The following ARHGAP25 variants were observed in gnomAD, a reference collection of about 807,000 sequenced individuals.
ARHGAP25 encodes the protein rho GTPase-activating protein 25.
In ARHGAP25, 34 loss-of-function variants were observed where a neutral mutation model predicts 71.0. The ratio of observed to expected loss-of-function variants is 0.48; its 90% CI spans 0.36 to 0.64. ARHGAP25 has a LOEUF of 0.64. Ranked by LOEUF, ARHGAP25 falls within the 30% of genes least tolerant of loss-of-function variation. ARHGAP25 has a pLI of 0.00. For synonymous variants in ARHGAP25, 282 were observed against 296.5 expected, an observed-to-expected ratio of 0.95 and a Z score of 0.50; for missense variants, 706 against 805.1, an observed-to-expected ratio of 0.88 and a Z score of 1.49.
At chr2:68,821,749 A>G (rs991926431) in intron 9 of ARHGAP25, among the ~76,000 whole-genome samples, 13 of 152,160 alleles carry the variant, frequency 8.5e-5, no homozygotes, top group Non-Finnish European at 1.9e-4. Flanking sequence ...TCCTATGTAC[A>G]AGGACTAGTT....
At chr2:68,780,047 T>G (rs527755349) in intron 2 of ARHGAP25, among the ~76,000 whole-genome samples, 1 of 152,358 alleles carries the variant, frequency 6.6e-6, no homozygotes, top group African/African-American at 2.4e-5. Context: ...CGTAGATTTC[T>G]TATTATCTAG....
intron 2 of ARHGAP25, among the ~76,000 whole-genome samples, chr2:68,729,342 A>G (rs569149535): frequency 1.3e-5 from 2 of 151,980 alleles, no homozygotes; most frequent in Non-Finnish European, 2.9e-5. Context: ...ACAGTAACAG[A>G]GATGACAAAA....
intron 1 of ARHGAP25, among the ~76,000 whole-genome samples, chr2:68,747,503 C>T (rs1675907302): frequency 6.6e-6 from 1 of 152,146 alleles, no homozygotes; most frequent in Non-Finnish European, 1.5e-5. Flanking sequence ...GGGCTCAGTC[C>T]CCCGTCCTCT....
chr2:68,728,398 G>T (rs1010299619), intron 2 of ARHGAP25, among the ~76,000 whole-genome samples: 6 of 152,078 alleles, frequency 3.9e-5, no homozygotes, highest in Admixed American at 1.3e-4. Flanking sequence ...ATGTAAAATG[G>T]TGCAGCTACT....
intron 1 of ARHGAP25, among the ~76,000 whole-genome samples, chr2:68,760,539 A>G (rs183023803): frequency 7.2e-5 from 11 of 152,094 alleles, no homozygotes; most frequent in Non-Finnish European, 1.5e-4. Flanking sequence ...ATACACTAAC[A>G]GTGATCAATC....
intron 1 of ARHGAP25, among the ~76,000 whole-genome samples, chr2:68,762,759 G>A (rs1676905027): frequency 6.6e-6 from 1 of 152,122 alleles, no homozygotes; most frequent in Non-Finnish European, 1.5e-5. Flanking sequence ...GTGAAGGAGT[G>A]GCCAGCCAAA....
At chr2:68,815,197 T>C (rs1283997392) in intron 6 of ARHGAP25, among the ~76,000 whole-genome samples, 7 of 152,220 alleles carry the variant, frequency 4.6e-5, no homozygotes, top group Admixed American at 4.6e-4. Context: ...ACCAAGGTCC[T>C]TCTCACTGGT....
At chr2:68,809,139 G>A (rs1309862560) in intron 5 of ARHGAP25, among the ~76,000 whole-genome samples, 1 of 152,112 alleles carries the variant, frequency 6.6e-6, no homozygotes, top group African/African-American at 2.4e-5. Context: ...GCATATTTAG[G>A]AGAGACCAGG....
At chr2:68,789,998 T>C (rs1679049619) in intron 4 of ARHGAP25, among the ~76,000 whole-genome samples, 1 of 152,126 alleles carries the variant, frequency 6.6e-6, no homozygotes, top group African/African-American at 2.4e-5. Flanking sequence ...TTATTATTAT[T>C]ATTATTTTGA....
intron 1 of ARHGAP25, among the ~76,000 whole-genome samples, chr2:68,757,428 T>A (rs549324289): frequency 6.6e-6 from 1 of 152,274 alleles, no homozygotes; most frequent in South Asian, 2.1e-4. Flanking sequence ...ATTTGTCTCA[T>A]ACAAGGAATT....
intron 1 of ARHGAP25, among the ~76,000 whole-genome samples, chr2:68,773,417 C>CA (rs1677619109): frequency 6.6e-6 from 1 of 152,068 alleles, no homozygotes; most frequent in Non-Finnish European, 1.5e-5. Flanking sequence ...ATCAAATATC[C>CA]CATGTTCTTA....
chr2:68,759,696 CAA>C (rs1256525762), intron 1 of ARHGAP25, among the ~76,000 whole-genome samples: 2 of 151,920 alleles, frequency 1.3e-5, no homozygotes, highest in Non-Finnish European at 2.9e-5. Context: ...TGAAACTTCT[CAA>C]AAGAATTGAA....
At chr2:68,786,714 T>G (rs1166329810) in intron 3 of ARHGAP25, among the ~76,000 whole-genome samples, 1 of 152,122 alleles carries the variant, frequency 6.6e-6, no homozygotes, top group Admixed American at 6.5e-5. Context: ...TCAGTGATAT[T>G]AAGATAGGTC....
rs928014320 is a variant in ARHGAP25, at chr2:68,822,359, C to T, written c.1220C>T (p.Thr407Ile). 5 of 1,613,848 alleles carry T rather than the reference C, an allele frequency of 3.1e-6. No individual in the cohort carries two copies. The highest frequency in any genetic ancestry group is 4.2e-6 in the Non-Finnish European group (5 of 1,179,868). ...FSSMTSDSDT[T>I]SPTGQQPSDA... ...TTCTAGACAAGCGACTCTGATACAA[C>T]CAGCCCCACCGGACAGCAGCCGAGC... Residue 407 changes from threonine (T) to isoleucine (I), a missense_variant, in exon 10 of 11, where the codon ACC becomes ATC. Thr to Ile is a moderately conservative substitution (Grantham distance 89, BLOSUM62 -1). Transcript: ENST00000409202.
intron 1 of ARHGAP25, among the ~76,000 whole-genome samples, chr2:68,765,279 G>T (rs1338108317): frequency 6.6e-6 from 1 of 151,786 alleles, no homozygotes; most frequent in Non-Finnish European, 1.5e-5. Flanking sequence ...GTGTCATTCC[G>T]CTGTGCTCTG....
chr2:68,760,090 CAT>C (rs1407679320), intron 1 of ARHGAP25, among the ~76,000 whole-genome samples: 1 of 151,988 alleles, frequency 6.6e-6, no homozygotes, highest in African/African-American at 2.4e-5. Flanking sequence ...AGGGGAAAAA[CAT>C]ATGATCATCT....
chr2:68,823,533 C>T (rs751629681), intron 10 of ARHGAP25, among the ~76,000 whole-genome samples: 18 of 151,722 alleles, frequency 1.2e-4, no homozygotes, highest in Non-Finnish European at 2.5e-4. Flanking sequence ...ATGACTATGG[C>T]CAGTGCCGAG....
At chr2:68,751,119 C>T (rs1294155227) in intron 1 of ARHGAP25, among the ~76,000 whole-genome samples, 4 of 152,202 alleles carry the variant, frequency 2.6e-5, no homozygotes, top group Non-Finnish European at 5.9e-5. Flanking sequence ...CTTTCAATGT[C>T]TTTCACTTGT....
At chr2:68,751,789 TG>T (rs1181783837) in intron 1 of ARHGAP25, among the ~76,000 whole-genome samples, 1 of 152,250 alleles carries the variant, frequency 6.6e-6, no homozygotes, top group Non-Finnish European at 1.5e-5. Flanking sequence ...TTAGTCTTCC[TG>T]GTCTGGACCA....
Sources: gnomAD v4.1 joint callset for allele counts (sites outside exome capture counted in the v4.1 genomes callset) on GRCh38, gnomAD v4.1.1 for gene constraint, MANE v1.5 for transcripts, NCBI Gene and HGNC (gene_info 2026-07-23, HGNC 2026-07-21) for gene names.